The following MUC22 variants were observed in gnomAD, a reference collection of about 807,000 sequenced individuals.
MUC22 encodes mucin-22.
A neutral mutation model predicts 40.3 loss-of-function variants in MUC22; 24 were observed. That is an observed-to-expected ratio of 0.60 (90% CI 0.43 to 0.84). The LOEUF is 0.84. MUC22 is among the 40% of genes least tolerant of loss of function. The pLI is 0.00. For synonymous variants in MUC22, 765 were observed against 844.5 expected (o/e 0.91, Z 1.63); for missense variants, 1,926 against 2,130.7 (o/e 0.90, Z 1.89).
chr6:31,013,099 T>A (rs1763961544), intron 1 of MUC22, among the ~76,000 whole-genome samples: 1 of 144,540 alleles, frequency 6.9e-6, no homozygotes, highest in Non-Finnish European at 1.5e-5. Context: ...AGCCACCACC[T>A]CTCCCTCCAC....
exon 2 of MUC22, chr6:31,029,891 C>G (rs1032201707): frequency 6.6e-7 from 1 of 1,520,484 alleles, no homozygotes; most frequent in Non-Finnish European, 8.8e-7. Context: ...GAGACCAACA[C>G]TGCCTTCATC....
chr6:31,032,413 C>G lies in MUC22; in HGVS notation c.4887C>G (p.Phe1629Leu). The G allele has an allele frequency of 6.5e-7, 1 of 1,535,756 alleles. No individual in the cohort carries two copies. The highest frequency in any genetic ancestry group is 1.4e-5 in the African/African-American group (1 of 73,178). ...CCCGTGAGCCAACCAGCAGCACCTTCCAGGAAACAGGCCCGGTGTCCATGG... is the reference window on the plus strand; with the variant it reads ...CCCGTGAGCCAACCAGCAGCACCTTGCAGGAAACAGGCCCGGTGTCCATGG... The change falls in exon 3 of 4, where the codon TTC (phenylalanine) becomes TTG (leucine). Residue 1629 changes from phenylalanine to leucine, a missense_variant. This residue lies in a region of MUC22 where 610 missense variants were observed against 714.6 expected (regional missense o/e 0.85). Coordinates refer to ENST00000561890, the Ensembl canonical transcript of MUC22. This position sits in a 1 kb window ranked among gnomAD's most constrained non-coding sequence, Gnocchi z 4.1.
rs1295908555 is a variant in MUC22 at position 31,032,667 on chromosome 6, T to A, written c.5055+86T>A. ...AGCAGTGCTTTGGAAAAATCCAGAA[T>A]GAGAAAGGGGAGTAAGTTGGTGCGC... On this transcript the variant is annotated intron_variant, in intron 3 of 3. Transcript: ENST00000561890. The surrounding 1 kb of genome is among the most constrained non-coding windows in gnomAD (Gnocchi z 4.1). 2 of 1,394,368 alleles carry A rather than the reference T, an allele frequency of 1.4e-6. No individual in the cohort carries two copies. Among genetic ancestry groups the A allele is most frequent in the Non-Finnish European group, 1.9e-6 (2 of 1,049,172 alleles). 86.4% of individuals were successfully genotyped at this position (1,394,368 alleles called of 1,614,324 possible). A position where few individuals can be genotyped will look rare whatever the true frequency, so the allele number is the denominator to read the frequency against.
chr6:31,034,530 A>C (rs761813055), intron 3 of MUC22, 142 bp from the exon 4 acceptor site: 7 of 667,516 alleles, frequency 1.0e-5, no homozygotes, highest in Non-Finnish European at 1.8e-5. Context: ...GACAGAGATC[A>C]TAGTAAGGAT....
rs529470515 is a variant in MUC22, at chr6:31,010,906, T to C, written c.70+130T>C. The C allele has an allele frequency of 3.7e-4, 228 of 618,742 alleles. 1 individual carries two copies. In the East Asian group the frequency reaches 6.2e-3, roughly 17 times the overall value. The allele number at this position is 618,742 out of a possible 1,614,324, so 38.3% of individuals were successfully genotyped here. ...ATGATGATTCATTTTTTTTTTTTTT[T>C]TTTTGCCCATTTCTGCAAAAGCCAG... On this transcript the variant is annotated intron_variant, in intron 1 of 3. Coordinates refer to ENST00000561890, the Ensembl canonical transcript of MUC22.
In MUC22 at chr6:31,022,051, C is replaced by T. The variant is rs1764836741; in HGVS notation, c.71-3451C>T. ...CATGGGCTTAAGAGTTGCTAACACTCACTGTGAAGGTTTGCAGCTTCACTC... is the reference window on the plus strand; with the variant it reads ...CATGGGCTTAAGAGTTGCTAACACTTACTGTGAAGGTTTGCAGCTTCACTC... On this transcript the variant is annotated intron_variant, in intron 1 of 3. Transcript: ENST00000561890. 2.0e-5 allele frequency among the ~76,000 whole-genome samples: 3 copies of T among 152,012 alleles called. 1 individual carries two copies. The highest frequency in any genetic ancestry group is 2.0e-4 in the Admixed American group (3 of 15,262).
chr6:31,006,171 A>C (rs1001355253), upstream of MUC22: 7 of 382,514 alleles, frequency 1.8e-5, no homozygotes, highest in Admixed American at 2.6e-4. Flanking sequence ...AAATATGGAA[A>C]GACGTATCAT....
At chr6:31,010,470 G>A (rs923213836), upstream of MUC22, 28 of 536,078 alleles carry the variant, frequency 5.2e-5, no homozygotes, top group African/African-American at 4.2e-4. Flanking sequence ...ACACGTTTGC[G>A]AGGAAAAAAG....
At chr6:31,028,358 C>G in exon 2 of MUC22, 1 of 1,533,302 alleles carries the variant, frequency 6.5e-7, no homozygotes, top group Admixed American at 2.0e-5. Context: ...GAGATTACTA[C>G]AGCCTCCATC....
intron 1 of MUC22, among the ~76,000 whole-genome samples, chr6:31,021,928 T>G (rs1000099448): frequency 2.0e-5 from 3 of 152,104 alleles, no homozygotes; most frequent in Admixed American, 6.5e-5. Context: ...GTCTACACTG[T>G]TTTTATGATC....
At chr6:31,028,664 C>T (rs1486156207) in exon 2 of MUC22, 6 of 1,534,556 alleles carry the variant, frequency 3.9e-6, no homozygotes, top group Non-Finnish European at 5.2e-6. Flanking sequence ...ACCACAGTCT[C>T]CACTGCAGGC....
chr6:31,031,676 CCCCCAAAGT>C (rs1231130295), intron 2 of MUC22, among the ~76,000 whole-genome samples: 4 of 152,076 alleles, frequency 2.6e-5, no homozygotes, highest in Non-Finnish European at 5.9e-5. Context: ...TCCCACTCTT[CCCCCAAAGT>C]CCCCAAAGTC....
intron 1 of MUC22, among the ~76,000 whole-genome samples, chr6:31,015,458 T>C (rs2150748738): frequency 6.6e-6 from 1 of 152,352 alleles, no homozygotes. Context: ...CATGTAGCCC[T>C]ACCTAGCTAC....
intron 1 of MUC22, among the ~76,000 whole-genome samples, chr6:31,022,469 T>A (rs1470790254): frequency 1.3e-5 from 2 of 151,392 alleles, no homozygotes; most frequent in Non-Finnish European, 2.9e-5. Flanking sequence ...CATTTTTTTT[T>A]AAATGTAAAA....
At chr6:31,025,538 A>G in exon 2 of MUC22, 1 of 1,519,316 alleles carries the variant, frequency 6.6e-7, no homozygotes. Context: ...AAAGGCTCCG[A>G]CACCACCACA....
exon 1 of MUC22, chr6:31,010,639 C>T (rs1002607091): frequency 7.1e-6 from 5 of 700,146 alleles, no homozygotes; most frequent in East Asian, 5.4e-5. Context: ...GTCTCTCTGC[C>T]TCTTTGACCT....
chr6:31,025,359 A>G (rs1765189655), intron 1 of MUC22, 143 bp from the exon 2 acceptor site: 1 of 962,520 alleles, frequency 1.0e-6, no homozygotes, highest in South Asian at 2.2e-5. Flanking sequence ...GAGTTTAGTA[A>G]AATACCAGGT....
Position 31,032,448 on chromosome 6 carries a change from C to A in MUC22, c.4922C>A (p.Thr1641Lys). ...GGCCCGGTGTCCATGGGCACAAACACAGTTAGCATGAGCCACACACCCACA... is the reference window on the plus strand; with the variant it reads ...GGCCCGGTGTCCATGGGCACAAACAAAGTTAGCATGAGCCACACACCCACA... Residue 1641 changes from threonine to lysine, a missense_variant, in exon 3 of 4, where the codon ACA (threonine) becomes AAA (lysine). Transcript: ENST00000561890. This position sits in a 1 kb window ranked among gnomAD's most constrained non-coding sequence, Gnocchi z 4.1. 2 of 1,535,742 alleles carry A rather than the reference C, an allele frequency of 1.3e-6. No homozygotes were observed. The highest frequency in any genetic ancestry group is 1.7e-6 in the Non-Finnish European group (2 of 1,146,922).
At chr6:31,016,553 G>A (rs1412201559) in intron 1 of MUC22, among the ~76,000 whole-genome samples, 3 of 152,242 alleles carry the variant, frequency 2.0e-5, no homozygotes, top group Non-Finnish European at 2.9e-5. Context: ...CAAGGGAATA[G>A]GTAATGTGGG....
Sources: allele counts gnomAD v4.1 joint callset (sites outside exome capture counted in the v4.1 genomes callset), GRCh38; gene constraint gnomAD v4.1.1; regional missense constraint gnomAD v4.1.1; non-coding constraint Gnocchi (gnomAD v3.1); transcripts MANE v1.5; gene names NCBI Gene and HGNC (gene_info 2026-07-23, HGNC 2026-07-21).